Variants in PDE11A observed in about 807,000 individuals in gnomAD.
PDE11A encodes dual 3',5'-cyclic-AMP and -GMP phosphodiesterase 11A.
PDE11A carries 100 observed loss-of-function variants against 100.5 expected under a neutral mutation model. The observed-to-expected ratio is 1.00, with a 90% CI of 0.85 to 1.18. The LOEUF (loss-of-function observed/expected upper bound fraction) is 1.18, where lower values mean the gene tolerates loss of function less well. Among genes scored for constraint, PDE11A ranks in the 50% most tolerant of loss-of-function variants. The pLI is 0.00. For missense variants in PDE11A, 1,141 were observed against 1,152.6 expected (o/e 0.99, Z 0.15); for synonymous variants, 381 against 420.8 (o/e 0.91, Z 1.16).
intron 19 of PDE11A, among the ~76,000 whole-genome samples, chr2:177,662,972 T>C (rs1439053814): frequency 6.6e-6 from 1 of 152,156 alleles, no homozygotes; most frequent in African/African-American, 2.4e-5. Context: ...TGGGGTTACA[T>C]AGGGTGAGGA....
chr2:177,943,293 C>T (rs1559017183), intron 2 of PDE11A, among the ~76,000 whole-genome samples: 1 of 152,212 alleles, frequency 6.6e-6, no homozygotes, highest in Non-Finnish European at 1.5e-5. Flanking sequence ...TAAAGAAATG[C>T]CATACTGTTT....
At chr2:177,751,149 C>T (rs1163609950) in intron 10 of PDE11A, among the ~76,000 whole-genome samples, 1 of 151,902 alleles carries the variant, frequency 6.6e-6, no homozygotes, top group Non-Finnish European at 1.5e-5. Context: ...AAAAGCTCTC[C>T]AAAGCTCTGA....
chr2:177,902,055 A>G (rs1465557934), intron 3 of PDE11A, among the ~76,000 whole-genome samples: 1 of 152,210 alleles, frequency 6.6e-6, no homozygotes, highest in Admixed American at 6.5e-5. Flanking sequence ...AAAATCTAGG[A>G]TAATATCTGT....
chr2:177,700,729 C>T (rs2081184511), intron 14 of PDE11A, among the ~76,000 whole-genome samples: 1 of 152,132 alleles, frequency 6.6e-6, no homozygotes, highest in Non-Finnish European at 1.5e-5. Flanking sequence ...TTTGCTTCTA[C>T]CATCTTTTAA....
rs1013391039 is a variant in PDE11A at position 177,639,933 on chromosome 2, C to T, written c.2647-10371G>A. On this transcript the variant is annotated intron_variant, in intron 19 of 19. Transcript: ENST00000286063. The stretch of plus-strand genomic sequence containing the variant: ...AGTGTTTGAACCTGAAAATGTCCAA[C>T]GGTGTCATTAATATATTTTTTAAAA... Among the ~76,000 whole-genome samples, 12 of 152,204 alleles carry T rather than the reference C, an allele frequency of 7.9e-5. No individual in the cohort carries two copies. In the East Asian group the frequency reaches 1.2e-3, roughly 15 times the overall value.
chr2:178,055,418 A>G (rs1223010991), intron 1 of PDE11A, among the ~76,000 whole-genome samples: 2 of 152,218 alleles, frequency 1.3e-5, no homozygotes, highest in South Asian at 4.1e-4. Flanking sequence ...TAACGGGTGC[A>G]GCACACCAAC....
intron 2 of PDE11A, among the ~76,000 whole-genome samples, chr2:177,982,771 C>T (rs1414714030): frequency 6.6e-6 from 1 of 150,760 alleles, no homozygotes; most frequent in Non-Finnish European, 1.5e-5. Context: ...GTACACCAGC[C>T]TCTTGTTACA....
intron 12 of PDE11A, among the ~76,000 whole-genome samples, chr2:177,723,607 CT>C (rs1205324486): frequency 6.6e-6 from 1 of 152,070 alleles, no homozygotes; most frequent in South Asian, 2.1e-4. Context: ...CATTTTATAG[CT>C]TTTTTTAACT....
At chr2:177,861,457 C>T (rs904748912) in intron 5 of PDE11A, among the ~76,000 whole-genome samples, 2 of 151,614 alleles carry the variant, frequency 1.3e-5, no homozygotes, top group African/African-American at 4.8e-5. Flanking sequence ...AACTTATATA[C>T]AGGAGTTGGA....
At chr2:178,058,416 G>T (rs977417827) in intron 1 of PDE11A, among the ~76,000 whole-genome samples, 1 of 152,112 alleles carries the variant, frequency 6.6e-6, no homozygotes, top group African/African-American at 2.4e-5. Context: ...AGTCTTCCAA[G>T]ATCTGATGGT....
intron 17 of PDE11A, among the ~76,000 whole-genome samples, chr2:177,673,371 ACCAGAGAACATCTC>A (rs764435038): frequency 2.6e-5 from 4 of 152,158 alleles, no homozygotes; most frequent in Non-Finnish European, 5.9e-5. Context: ...GGAAAAAGGA[ACCAGAGAACATCTC>A]CCAGAGAATC....
chr2:177,670,049 C>A (rs1008276745), intron 17 of PDE11A, among the ~76,000 whole-genome samples: 3 of 152,216 alleles, frequency 2.0e-5, no homozygotes, highest in Admixed American at 6.5e-5. Context: ...TCCCTCCCTA[C>A]CAATATTTGT....
At chr2:177,810,512 T>C (rs2082934836) in intron 9 of PDE11A, among the ~76,000 whole-genome samples, 2 of 152,136 alleles carry the variant, frequency 1.3e-5, no homozygotes, top group South Asian at 4.1e-4. Context: ...TGAGTGGATA[T>C]GGCATAATTG....
chr2:178,012,196 G>A (rs2086281303), intron 2 of PDE11A, among the ~76,000 whole-genome samples: 1 of 152,158 alleles, frequency 6.6e-6, no homozygotes, highest in Non-Finnish European at 1.5e-5. Flanking sequence ...AGGTGTGGGA[G>A]TTGTAGAGGC....
At chr2:177,700,333 A>T (rs1210253977) in intron 14 of PDE11A, among the ~76,000 whole-genome samples, 1 of 151,916 alleles carries the variant, frequency 6.6e-6, no homozygotes, top group Non-Finnish European at 1.5e-5. Flanking sequence ...GATGATAATA[A>T]TAATAATAAT....
chr2:178,090,855 C>T (rs1423598703), intron 2 of PDE11A, among the ~76,000 whole-genome samples: 2 of 151,842 alleles, frequency 1.3e-5, no homozygotes. Context: ...TTCTGAAGCC[C>T]TCCCTGGGCC....
chr2:177,968,043 T>A (rs2105794628), intron 2 of PDE11A, among the ~76,000 whole-genome samples: 1 of 152,316 alleles, frequency 6.6e-6, no homozygotes, highest in African/African-American at 2.4e-5. Context: ...TTGATTTCAA[T>A]ATCCATGCTT....
chr2:177,877,863 T>C (rs1412923413), intron 4 of PDE11A, among the ~76,000 whole-genome samples: 1 of 152,174 alleles, frequency 6.6e-6, no homozygotes, highest in Non-Finnish European at 1.5e-5. Context: ...CTGAATGTCA[T>C]AGAATGCTTC....
chr2:178,011,702 C>T (rs558554028), intron 2 of PDE11A, among the ~76,000 whole-genome samples: 41 of 152,298 alleles, frequency 2.7e-4, no homozygotes, highest in South Asian at 4.1e-4. Context: ...GCTAATCAAT[C>T]GCTCATGAGA....
Sources: gnomAD v4.1 joint callset for allele counts (sites outside exome capture counted in the v4.1 genomes callset) on GRCh38, gnomAD v4.1.1 for gene constraint, MANE v1.5 for transcripts, NCBI Gene and HGNC (gene_info 2026-07-23, HGNC 2026-07-21) for gene names.